PIWIL4: variants seen among roughly 807,000 people sequenced by gnomAD.
The protein encoded by PIWIL4 is piwi-like protein 4.
A neutral mutation model predicts 100.9 loss-of-function variants in PIWIL4; 50 were observed. That is an observed-to-expected ratio of 0.50 (90% CI 0.39 to 0.63). The LOEUF is 0.63. Among genes scored for constraint, PIWIL4 ranks in the 20% least tolerant of loss-of-function variants. PIWIL4 has a pLI of 0.00. For missense variants in PIWIL4, 887 were observed against 1,043.3 expected, an observed-to-expected ratio of 0.85 and a Z score of 2.06; for synonymous variants, 342 against 367.5, an observed-to-expected ratio of 0.93 and a Z score of 0.79.
chr11:94,620,179 T>C (rs780620311), intron 19 of PIWIL4, 35 bp downstream of exon 19: 2 of 1,537,714 alleles, frequency 1.3e-6, no homozygotes, highest in Non-Finnish European at 1.7e-6. Flanking sequence ...GTAAATATGA[T>C]ACTCAAGAGT....
intron 4 of PIWIL4, among the ~76,000 whole-genome samples, chr11:94,579,734 T>A (rs1452405070): frequency 1.3e-5 from 2 of 152,244 alleles, no homozygotes; most frequent in Non-Finnish European, 2.9e-5. Flanking sequence ...TTAGAAAATC[T>A]AGATTTGTAA....
intron 13 of PIWIL4, among the ~76,000 whole-genome samples, chr11:94,604,360 C>G (rs1948687560): frequency 1.3e-5 from 2 of 152,170 alleles, no homozygotes; most frequent in South Asian, 4.1e-4. Context: ...CCCACCTCAT[C>G]ACATAAATGT....
chr11:94,570,085 G>T (rs1948130434), intron 2 of PIWIL4, among the ~76,000 whole-genome samples: 2 of 152,082 alleles, frequency 1.3e-5, no homozygotes, highest in South Asian at 4.1e-4. Flanking sequence ...TTCCCCTCCT[G>T]TGGTAAACAT....
chr11:94,599,171 G>A (rs1948601515), intron 11 of PIWIL4, among the ~76,000 whole-genome samples: 1 of 152,214 alleles, frequency 6.6e-6, no homozygotes, highest in Non-Finnish European at 1.5e-5. Flanking sequence ...GAGAAGCTCA[G>A]TTTCAGATCC....
rs564103663 is a variant in PIWIL4 at position 94,579,200 on chromosome 11, G to T, written c.513+1708G>T. Reference sequence around the variant, plus strand: ...TACATCAATTTTTGATTCTAGAATTGCCGTTTATTTAACTACTTGCTCGAT... The same window carrying T: ...TACATCAATTTTTGATTCTAGAATTTCCGTTTATTTAACTACTTGCTCGAT... On this transcript the variant is annotated intron_variant, in intron 4 of 19. Coordinates refer to ENST00000299001, the MANE Select transcript of PIWIL4 (RefSeq NM_152431.3). Among the ~76,000 whole-genome samples the T allele has an allele frequency of 7.6e-4, 116 of 152,192 alleles. 1 individual carries two copies. Among genetic ancestry groups the T allele is most frequent in the African/African-American group, 2.8e-3 (115 of 41,520 alleles).
At chr11:94,600,942 T>G (rs638397) in intron 11 of PIWIL4, among the ~76,000 whole-genome samples, 78,638 of 151,612 alleles carry the variant, frequency 0.52, 22,631 homozygotes, top group African/African-American at 0.79. Context: ...TATCTCTCTT[T>G]TTCCTTAAAC....
chr11:94,594,429 G>A (rs1475980867), intron 9 of PIWIL4, among the ~76,000 whole-genome samples: 9 of 150,182 alleles, frequency 6.0e-5, no homozygotes. Flanking sequence ...TCACGCCAGT[G>A]CACTCCAGCC....
intron 16 of PIWIL4, 109 bp from the exon 17 acceptor site, chr11:94,617,845 A>G: frequency 8.5e-7 from 1 of 1,183,124 alleles, no homozygotes; most frequent in Non-Finnish European, 1.2e-6. Flanking sequence ...GCCCTATTTT[A>G]CAGTGGTCTG....
intron 12 of PIWIL4, among the ~76,000 whole-genome samples, chr11:94,602,745 G>T (rs1234668979): frequency 1.3e-5 from 2 of 152,140 alleles, no homozygotes; most frequent in Non-Finnish European, 2.9e-5. Context: ...TAAACACATA[G>T]TTACTAATTA....
intron 15 of PIWIL4, among the ~76,000 whole-genome samples, chr11:94,613,369 TTGC>T (rs922970533): frequency 6.6e-6 from 1 of 152,218 alleles, no homozygotes; most frequent in Non-Finnish European, 1.5e-5. Flanking sequence ...GCCTCTCTTC[TTGC>T]TGCTTTCAAC....
At chr11:94,610,220 A>C (rs1948772852) in intron 15 of PIWIL4, among the ~76,000 whole-genome samples, 1 of 119,544 alleles carries the variant, frequency 8.4e-6, no homozygotes, top group Non-Finnish European at 1.8e-5. Context: ...GCTGAATAAT[A>C]TTCTATTGTG....
At chr11:94,612,745 T>G (rs1048933878) in intron 15 of PIWIL4, among the ~76,000 whole-genome samples, 30 of 152,166 alleles carry the variant, frequency 2.0e-4, no homozygotes, top group African/African-American at 7.2e-4. Flanking sequence ...GAGTCTTACA[T>G]AAAACATCTT....
chr11:94,602,099 A>G (rs2067668690), intron 12 of PIWIL4, 120 bp downstream of exon 12: 1 of 877,312 alleles, frequency 1.1e-6, no homozygotes, highest in African/African-American at 1.7e-5. Flanking sequence ...TAAAGTGCCA[A>G]GAAAGTAGTC....
At chr11:94,603,402 G>A (rs1302754740) in intron 12 of PIWIL4, among the ~76,000 whole-genome samples, 1 of 152,182 alleles carries the variant, frequency 6.6e-6, no homozygotes, top group Non-Finnish European at 1.5e-5. Flanking sequence ...TGGAGCTGCT[G>A]GCCCCTAACA....
intron 11 of PIWIL4, among the ~76,000 whole-genome samples, chr11:94,599,556 G>T (rs1948607528): frequency 6.6e-6 from 1 of 152,216 alleles, no homozygotes; most frequent in African/African-American, 2.4e-5. Context: ...CTAATGGACA[G>T]GAATGAACGT....
chr11:94,568,260 G>T (rs1381337995), intron 1 of PIWIL4, among the ~76,000 whole-genome samples: 2 of 152,310 alleles, frequency 1.3e-5, no homozygotes, highest in East Asian at 3.9e-4. Context: ...ACAAAGAGAA[G>T]TAGTTACTAT....
intron 2 of PIWIL4, among the ~76,000 whole-genome samples, chr11:94,574,693 G>A (rs56209623): frequency 0.012 from 1,894 of 152,196 alleles, 48 homozygotes; most frequent in African/African-American, 0.044. Flanking sequence ...CGTTGCCCAG[G>A]CTGGTCTCTA....
intron 1 of PIWIL4, 147 bp from the exon 2 acceptor site, chr11:94,568,583 T>G: frequency 1.7e-6 from 1 of 601,654 alleles, no homozygotes; most frequent in Non-Finnish European, 3.0e-6. Flanking sequence ...ATGGGCACTC[T>G]CTTCTCATCT....
intron 15 of PIWIL4, among the ~76,000 whole-genome samples, chr11:94,614,694 C>T (rs1948826967): frequency 6.6e-6 from 1 of 152,160 alleles, no homozygotes; most frequent in South Asian, 2.1e-4. Flanking sequence ...TCTTTATTGG[C>T]TATCTTTGGG....
Sources: gnomAD v4.1 joint callset for allele counts (sites outside exome capture counted in the v4.1 genomes callset) on GRCh38, gnomAD v4.1.1 for gene constraint, MANE v1.5 for transcripts, NCBI Gene and HGNC (gene_info 2026-07-23, HGNC 2026-07-21) for gene names.